The following DNAH9 variants were observed in gnomAD, a reference collection of about 807,000 sequenced individuals.
DNAH9 encodes the protein DNAH9 variant protein.
In DNAH9, 345 loss-of-function variants were observed where a neutral mutation model predicts 471.6. The ratio of observed to expected loss-of-function variants is 0.73; its 90% CI spans 0.67 to 0.80. The LOEUF (loss-of-function observed/expected upper bound fraction) is 0.80, where lower values mean the gene tolerates loss of function less well. Among genes scored for constraint, DNAH9 ranks in the 30% least tolerant of loss-of-function variants. The pLI is 0.00. For synonymous variants in DNAH9, 2,093 were observed against 2,123.6 expected (o/e 0.99, Z 0.40); for missense variants, 5,407 against 5,609.2 (o/e 0.96, Z 1.15).
At chr17:11,826,561 C>T (rs1308496850) in intron 48 of DNAH9, among the ~76,000 whole-genome samples, 2 of 144,290 alleles carry the variant, frequency 1.4e-5, no homozygotes, top group East Asian at 2.2e-4. Context: ...CCCGGGTTCA[C>T]ACCATTCTCC....
At chr17:11,665,763 T>A (rs1192497999) in intron 15 of DNAH9, among the ~76,000 whole-genome samples, 2 of 152,190 alleles carry the variant, frequency 1.3e-5, no homozygotes, top group African/African-American at 4.8e-5. Flanking sequence ...AGGTAAATAG[T>A]TTGAAGCCAG....
intron 68 of DNAH9, among the ~76,000 whole-genome samples, chr17:11,968,804 G>A (rs1384846360): frequency 6.6e-6 from 1 of 152,190 alleles, no homozygotes; most frequent in African/African-American, 2.4e-5. Context: ...CACATTACAT[G>A]AGTAAAGATA....
intron 35 of DNAH9, among the ~76,000 whole-genome samples, chr17:11,759,374 GTT>G (rs1050415419): frequency 6.6e-6 from 1 of 151,996 alleles, no homozygotes; most frequent in African/African-American, 2.4e-5. Flanking sequence ...AGAACATGCA[GTT>G]TTTGACTATC....
intron 27 of DNAH9, among the ~76,000 whole-genome samples, chr17:11,723,856 G>A (rs1218725568): frequency 6.6e-6 from 1 of 151,878 alleles, no homozygotes; most frequent in East Asian, 2.0e-4. Context: ...TGTACTTTTA[G>A]TAGAGACGGT....
intron 33 of DNAH9, 39 bp from the exon 34 acceptor site, chr17:11,756,529 C>A: frequency 8.2e-7 from 1 of 1,220,132 alleles, no homozygotes; most frequent in Non-Finnish European, 1.2e-6. Context: ...AGGCACCTCC[C>A]TCCTTCCTCA....
intron 28 of DNAH9, among the ~76,000 whole-genome samples, chr17:11,736,805 T>C (rs1472240706): frequency 1.3e-5 from 2 of 152,212 alleles, no homozygotes; most frequent in South Asian, 4.1e-4. Flanking sequence ...CTTCGGTGTT[T>C]CGAGAGAGAA....
intron 61 of DNAH9, among the ~76,000 whole-genome samples, chr17:11,920,589 C>T (rs1207748456): frequency 6.8e-6 from 1 of 147,696 alleles, no homozygotes; most frequent in African/African-American, 2.5e-5. Flanking sequence ...CCATTGCACT[C>T]CAGTCTGGGC....
At chr17:11,840,974 T>TA (rs1178869909) in intron 49 of DNAH9, among the ~76,000 whole-genome samples, 1 of 152,210 alleles carries the variant, frequency 6.6e-6, no homozygotes, top group African/African-American at 2.4e-5. Context: ...TTTAACTTCT[T>TA]ACGGAAACAA....
intron 48 of DNAH9, 151 bp from the exon 49 acceptor site, chr17:11,834,487 C>T (rs1054059374): frequency 1.8e-5 from 16 of 908,856 alleles, no homozygotes; most frequent in East Asian, 1.1e-4. Context: ...CATCTGACAG[C>T]GCAGCTTTGT....
intron 56 of DNAH9, among the ~76,000 whole-genome samples, chr17:11,886,452 G>C (rs1972880205): frequency 6.8e-6 from 1 of 147,916 alleles, no homozygotes; most frequent in Non-Finnish European, 1.5e-5. Flanking sequence ...ACTATACTAT[G>C]TTTCTTTCCC....
intron 62 of DNAH9, among the ~76,000 whole-genome samples, chr17:11,924,768 A>T (rs919479166): frequency 6.6e-6 from 1 of 151,440 alleles, no homozygotes; most frequent in African/African-American, 2.4e-5. Flanking sequence ...GGATTACAGG[A>T]GCGTACCACC....
chr17:11,819,558 C>CG (rs1970237611), intron 45 of DNAH9, among the ~76,000 whole-genome samples: 1 of 152,110 alleles, frequency 6.6e-6, no homozygotes, highest in Non-Finnish European at 1.5e-5. Context: ...GCTGAGACTA[C>CG]AGGTGCACAC....
intron 61 of DNAH9, among the ~76,000 whole-genome samples, chr17:11,915,085 A>G (rs913236150): frequency 2.0e-5 from 3 of 152,146 alleles, no homozygotes; most frequent in Non-Finnish European, 2.9e-5. Flanking sequence ...CCTAGTCTGA[A>G]TCACCATAGT....
intron 19 of DNAH9, among the ~76,000 whole-genome samples, chr17:11,685,480 C>T (rs1051828815): frequency 6.6e-6 from 1 of 152,132 alleles, no homozygotes; most frequent in Non-Finnish European, 1.5e-5. Flanking sequence ...CTCATGGCTG[C>T]AGAGAACAGA....
At chr17:11,934,434 C>CCTTTT (rs1567560864) in intron 65 of DNAH9, among the ~76,000 whole-genome samples, 3 of 103,086 alleles carry the variant, frequency 2.9e-5, no homozygotes, top group Admixed American at 9.8e-5. Flanking sequence ...TTGACAAACC[C>CCTTTT]ATTTTTTTTT....
chr17:11,687,464 G>A (rs1325464405), intron 19 of DNAH9, among the ~76,000 whole-genome samples: 1 of 152,030 alleles, frequency 6.6e-6, no homozygotes, highest in East Asian at 1.9e-4. Context: ...ACAGAGAAAG[G>A]GCAGTTGAAA....
At chr17:11,828,730 C>G (rs913095308) in intron 48 of DNAH9, among the ~76,000 whole-genome samples, 1 of 152,184 alleles carries the variant, frequency 6.6e-6, no homozygotes, top group Non-Finnish European at 1.5e-5. Context: ...CATGTACCCC[C>G]ACCTTGTCAT....
intron 6 of DNAH9, among the ~76,000 whole-genome samples, chr17:11,629,049 A>G (rs2073018668): frequency 6.7e-6 from 1 of 150,146 alleles, no homozygotes; most frequent in South Asian, 2.1e-4. Flanking sequence ...AACTTTTCTC[A>G]TTCACTGTTG....
At chr17:11,699,122 A>G (rs1201685225) in intron 22 of DNAH9, among the ~76,000 whole-genome samples, 1 of 152,070 alleles carries the variant, frequency 6.6e-6, no homozygotes, top group Non-Finnish European at 1.5e-5. Flanking sequence ...GGTGGCACAC[A>G]CCTGTAATCT....
Sources: allele counts gnomAD v4.1 joint callset (sites outside exome capture counted in the v4.1 genomes callset), GRCh38; gene constraint gnomAD v4.1.1; transcripts MANE v1.5; gene names NCBI Gene and HGNC (gene_info 2026-07-23, HGNC 2026-07-21).